SLC24A3: variants seen among roughly 807,000 people sequenced by gnomAD.
SLC24A3 encodes the protein solute carrier family 24 member 3.
Under a neutral mutation model 75.8 loss-of-function variants are expected in SLC24A3, and 28 were observed. The ratio of observed to expected loss-of-function variants is 0.37; its 90% CI spans 0.27 to 0.51. The LOEUF (loss-of-function observed/expected upper bound fraction) is 0.51, where lower values mean the gene tolerates loss of function less well. SLC24A3 is among the 20% of genes least tolerant of loss of function. The pLI, the probability that SLC24A3 is intolerant of heterozygous loss-of-function variation, is 0.94. For synonymous variants in SLC24A3, 372 were observed against 334.1 expected, an observed-to-expected ratio of 1.11 and a Z score of -1.24; for missense variants, 663 against 847.8, an observed-to-expected ratio of 0.78 and a Z score of 2.71.
At chr20:19,633,456 C>T (rs376529434) in intron 6 of SLC24A3, among the ~76,000 whole-genome samples, 8 of 151,670 alleles carry the variant, frequency 5.3e-5, no homozygotes, top group African/African-American at 9.7e-5. Flanking sequence ...GAGACCATCC[C>T]GGCTAAACCG....
In SLC24A3 at chr20:19,269,167, A is replaced by C. The variant is rs539056391; in HGVS notation, c.143-11792A>C. 8.5e-5 allele frequency among the ~76,000 whole-genome samples: 13 copies of C among 152,358 alleles called. No individual in the cohort carries two copies. The South Asian group carries it at 2.3e-3, about 27-fold the overall frequency. On this transcript the variant is annotated intron_variant, in intron 1 of 16. Coordinates refer to ENST00000328041, the MANE Select transcript of SLC24A3 (RefSeq NM_020689.4). ...CTTCCAGTTGTATAGTCTTATTTAA[A>C]GTAAATAACAGCCACATGTGGCTGG...
chr20:19,532,685 A>C (rs765587692), intron 3 of SLC24A3, among the ~76,000 whole-genome samples: 6 of 152,198 alleles, frequency 3.9e-5, no homozygotes, highest in Non-Finnish European at 7.3e-5. Context: ...CTGCCCATGG[A>C]GCACTTGCAC....
intron 1 of SLC24A3, among the ~76,000 whole-genome samples, chr20:19,279,875 T>A (rs1983607017): frequency 6.6e-6 from 1 of 152,198 alleles, no homozygotes; most frequent in South Asian, 2.1e-4. Context: ...CCAGCTGGCA[T>A]TGAAGAGGTC....
At chr20:19,458,719 A>G (rs181809698) in intron 2 of SLC24A3, among the ~76,000 whole-genome samples, 29 of 152,264 alleles carry the variant, frequency 1.9e-4, no homozygotes, top group African/African-American at 6.3e-4. Context: ...ATTCCATTTT[A>G]TATACATCCC....
intron 2 of SLC24A3, among the ~76,000 whole-genome samples, chr20:19,336,218 G>A (rs908304862): frequency 6.6e-6 from 1 of 152,082 alleles, no homozygotes; most frequent in East Asian, 1.9e-4. Flanking sequence ...CCCCGTTTTT[G>A]TGAATAAAGG....
intron 2 of SLC24A3, among the ~76,000 whole-genome samples, chr20:19,324,678 T>C (rs1984795991): frequency 6.6e-6 from 1 of 152,236 alleles, no homozygotes. Flanking sequence ...TGACGTTTCC[T>C]TAGGCTATGT....
intron 2 of SLC24A3, among the ~76,000 whole-genome samples, chr20:19,394,017 C>A (rs542634888): frequency 1.4e-4 from 21 of 152,196 alleles, no homozygotes; most frequent in African/African-American, 5.1e-4. Context: ...AGACATAGAT[C>A]AATGGAATAG....
intron 2 of SLC24A3, among the ~76,000 whole-genome samples, chr20:19,484,924 C>G (rs1396253059): frequency 6.6e-6 from 1 of 152,072 alleles, no homozygotes; most frequent in Admixed American, 6.5e-5. Context: ...GAAAGATACT[C>G]AGTCTCCTCG....
At chr20:19,369,783 T>C (rs756792135) in intron 2 of SLC24A3, among the ~76,000 whole-genome samples, 4 of 152,190 alleles carry the variant, frequency 2.6e-5, no homozygotes, top group African/African-American at 4.8e-5. Flanking sequence ...AATACCTGTA[T>C]TGGGGCCTCA....
intron 2 of SLC24A3, among the ~76,000 whole-genome samples, chr20:19,448,194 C>T (rs906475826): frequency 6.6e-6 from 1 of 152,222 alleles, no homozygotes; most frequent in Admixed American, 6.5e-5. Context: ...AAACCCTCAA[C>T]GGTAGTTCAG....
intron 2 of SLC24A3, among the ~76,000 whole-genome samples, chr20:19,359,738 C>A (rs185068805): frequency 6.6e-6 from 1 of 152,254 alleles, no homozygotes; most frequent in East Asian, 1.9e-4. Flanking sequence ...GCTCTGCTTT[C>A]TGACTGTTTG....
chr20:19,385,928 C>T (rs1313284350), intron 2 of SLC24A3, among the ~76,000 whole-genome samples: 1 of 152,134 alleles, frequency 6.6e-6, no homozygotes, highest in Non-Finnish European at 1.5e-5. Context: ...TGAGCCACCA[C>T]CTGGCCTATT....
intron 6 of SLC24A3, among the ~76,000 whole-genome samples, chr20:19,631,358 T>C (rs2031930827): frequency 6.6e-6 from 1 of 152,010 alleles, no homozygotes; most frequent in African/African-American, 2.4e-5. Context: ...AAAATGAAAA[T>C]AAAAAGATAT....
At chr20:19,391,730 G>A (rs1296833727) in intron 2 of SLC24A3, among the ~76,000 whole-genome samples, 1 of 152,158 alleles carries the variant, frequency 6.6e-6, no homozygotes, top group Non-Finnish European at 1.5e-5. Context: ...CAGTCTTTGG[G>A]ACGGGCCTTG....
chr20:19,497,624 T>C lies in SLC24A3; in HGVS notation c.272-17864T>C, dbSNP rs186959789. On this transcript the variant is annotated intron_variant, in intron 2 of 16. Transcript: ENST00000328041. ...GAAACGTGAACTAAACCACGTCTAA[T>C]GTTGATCCTGAAGAGGCTGCTGTGG... Among the ~76,000 whole-genome samples the C allele has an allele frequency of 2.0e-5, 3 of 152,232 alleles. No homozygotes were observed. The East Asian group carries it at 5.8e-4, about 29-fold the overall frequency.
intron 6 of SLC24A3, among the ~76,000 whole-genome samples, chr20:19,610,627 G>C (rs971651865): frequency 1.3e-5 from 2 of 152,248 alleles, no homozygotes; most frequent in African/African-American, 4.8e-5. Flanking sequence ...GGGAGTGGGA[G>C]AGAAAGACAA....
In SLC24A3 at chr20:19,467,469, G is replaced by A. The variant is rs547766289; in HGVS notation, c.272-48019G>A. Among the ~76,000 whole-genome samples, 141 of 152,296 alleles carry A rather than the reference G, an allele frequency of 9.3e-4. 1 individual carries two copies. Among genetic ancestry groups the A allele is most frequent in the African/African-American group, 3.2e-3 (135 of 41,554 alleles). On this transcript the variant is annotated intron_variant, in intron 2 of 16. Coordinates refer to ENST00000328041, the MANE Select transcript of SLC24A3 (RefSeq NM_020689.4). ...ATCCAAGTATGGCTATTATCTAAGGGTAGATATGCCTAGAGTCTGGCTAGA... is the reference window on the plus strand; with the variant it reads ...ATCCAAGTATGGCTATTATCTAAGGATAGATATGCCTAGAGTCTGGCTAGA...
At chr20:19,345,423 G>T (rs1283943481) in intron 2 of SLC24A3, among the ~76,000 whole-genome samples, 2 of 152,054 alleles carry the variant, frequency 1.3e-5, no homozygotes, top group Non-Finnish European at 2.9e-5. Context: ...ATATTGAAAG[G>T]CAAAAGGCCC....
chr20:19,381,922 C>T (rs1381707618), intron 2 of SLC24A3, among the ~76,000 whole-genome samples: 4 of 152,144 alleles, frequency 2.6e-5, no homozygotes. Context: ...CAGAAATAAG[C>T]AGTGGGAGCT....
Sources: gnomAD v4.1 joint callset for allele counts (sites outside exome capture counted in the v4.1 genomes callset) on GRCh38, gnomAD v4.1.1 for gene constraint, MANE v1.5 for transcripts, NCBI Gene and HGNC (gene_info 2026-07-23, HGNC 2026-07-21) for gene names.